The following MYRIP variants were observed in gnomAD, a reference collection of about 807,000 sequenced individuals.
MYRIP encodes the protein myosin VIIA and Rab interacting protein, also known as rab effector MyRIP.
MYRIP carries 49 observed loss-of-function variants against 98.0 expected under a neutral mutation model. The observed-to-expected ratio is 0.50, with a 90% confidence interval of 0.40 to 0.63. The LOEUF (loss-of-function observed/expected upper bound fraction) is 0.63. Ranked by LOEUF, MYRIP falls within the 30% of genes least tolerant of loss-of-function variation. MYRIP has a pLI of 0.00. For missense variants in MYRIP, 1,004 were observed against 1,058.2 expected (o/e 0.95, Z 0.71); for synonymous variants, 404 against 409.5 (o/e 0.99, Z 0.16).
At chr3:40,076,886 A>G (rs895195893) in intron 3 of MYRIP, among the ~76,000 whole-genome samples, 5 of 152,154 alleles carry the variant, frequency 3.3e-5, no homozygotes, top group Non-Finnish European at 7.4e-5. Flanking sequence ...AATTTTCTGT[A>G]TTTCAGAACT....
At chr3:40,012,683 A>T (rs905554253) in intron 2 of MYRIP, among the ~76,000 whole-genome samples, 4 of 152,162 alleles carry the variant, frequency 2.6e-5, no homozygotes, top group Non-Finnish European at 2.9e-5. Flanking sequence ...AGGAAGGAAG[A>T]ATTTGCCACC....
intron 1 of MYRIP, among the ~76,000 whole-genome samples, chr3:39,835,501 C>T (rs1477606147): frequency 6.6e-6 from 1 of 151,956 alleles, no homozygotes; most frequent in Non-Finnish European, 1.5e-5. Flanking sequence ...AAATTAAAAT[C>T]TGTTTTGAAT....
chr3:40,142,163 C>T (rs1196417518), intron 3 of MYRIP, among the ~76,000 whole-genome samples: 1 of 150,546 alleles, frequency 6.6e-6, no homozygotes, highest in Non-Finnish European at 1.5e-5. Flanking sequence ...AATGATTCTC[C>T]TGCCTCTGCC....
chr3:39,838,001 G>A (rs192484888), intron 1 of MYRIP, among the ~76,000 whole-genome samples: 10 of 152,306 alleles, frequency 6.6e-5, no homozygotes, highest in Non-Finnish European at 1.2e-4. Flanking sequence ...GTTCACTCAT[G>A]ATTTGGCTCT....
chr3:40,023,438 G>T (rs1947046263), intron 2 of MYRIP, among the ~76,000 whole-genome samples: 1 of 152,126 alleles, frequency 6.6e-6, no homozygotes, highest in Admixed American at 6.5e-5. Context: ...GGCTGCCCCA[G>T]ACTTAGGGTT....
At chr3:40,012,245 A>C (rs1235760177) in intron 2 of MYRIP, among the ~76,000 whole-genome samples, 2 of 152,256 alleles carry the variant, frequency 1.3e-5, no homozygotes, top group East Asian at 1.9e-4. Flanking sequence ...CACCTAGTAC[A>C]GAGTGGTAAA....
intron 2 of MYRIP, among the ~76,000 whole-genome samples, chr3:39,986,527 G>A (rs888916687): frequency 1.3e-5 from 2 of 151,754 alleles, no homozygotes; most frequent in Admixed American, 1.3e-4. Flanking sequence ...AACAGACCTG[G>A]GTTTAAAGTC....
chr3:40,194,174 T>G (rs181354885), intron 10 of MYRIP, among the ~76,000 whole-genome samples: 1 of 152,250 alleles, frequency 6.6e-6, no homozygotes, highest in Admixed American at 6.5e-5. Context: ...TTTTTCCAAT[T>G]TCTTCCTAAT....
chr3:39,838,067 T>C (rs1388539225), intron 1 of MYRIP, among the ~76,000 whole-genome samples: 4 of 152,218 alleles, frequency 2.6e-5, no homozygotes, highest in African/African-American at 7.2e-5. Flanking sequence ...GATTTTGTAT[T>C]CTGAGACTTT....
chr3:40,070,819 A>C (rs367834812), intron 3 of MYRIP, among the ~76,000 whole-genome samples: 1 of 152,302 alleles, frequency 6.6e-6, no homozygotes, highest in African/African-American at 2.4e-5. Flanking sequence ...AGGAGCAAGA[A>C]ATCTAGGCTC....
rs1417281264 is a variant in MYRIP at position 40,242,165 on chromosome 3, A to G, written c.2101-2281A>G. On this transcript the variant is annotated intron_variant, in intron 12 of 16. Coordinates refer to ENST00000302541, the MANE Select transcript of MYRIP (RefSeq NM_015460.4). Reference sequence around the variant, plus strand: ...GCAAAAAAATTCTCATCTTGAACACAGTGATTATAATAGTCTCTACCTCAA... The same window carrying G: ...GCAAAAAAATTCTCATCTTGAACACGGTGATTATAATAGTCTCTACCTCAA... The G allele has an allele frequency of 2.6e-5, 4 of 152,210 alleles. No individual in the cohort carries two copies. The East Asian group carries it at 7.7e-4, about 29-fold the overall frequency. The allele number at this position is 152,210 out of a possible 1,614,324, so 9.4% of individuals were successfully genotyped here.
chr3:39,991,482 T>C (rs1946174227), intron 2 of MYRIP, among the ~76,000 whole-genome samples: 1 of 152,262 alleles, frequency 6.6e-6, no homozygotes, highest in African/African-American at 2.4e-5. Flanking sequence ...TCTCTAGGAA[T>C]AGTTGCCATT....
intron 1 of MYRIP, among the ~76,000 whole-genome samples, chr3:39,875,704 G>C (rs1278923262): frequency 6.6e-6 from 1 of 151,068 alleles, no homozygotes; most frequent in East Asian, 1.9e-4. Flanking sequence ...TGGTCTGAGA[G>C]ACAGTTTGTT....
chr3:39,893,371 T>C (rs1415932612), intron 1 of MYRIP, among the ~76,000 whole-genome samples: 1 of 152,140 alleles, frequency 6.6e-6, no homozygotes, highest in Admixed American at 6.5e-5. Flanking sequence ...GGAGTAGCCA[T>C]TAAGTATTAT....
intron 2 of MYRIP, among the ~76,000 whole-genome samples, chr3:40,003,772 T>G (rs1575456758): frequency 6.6e-6 from 1 of 152,216 alleles, no homozygotes; most frequent in East Asian, 1.9e-4. Context: ...GTATTCTTGC[T>G]TTTGTTTCCG....
At chr3:40,045,483 T>A (rs1947652269) in intron 3 of MYRIP, among the ~76,000 whole-genome samples, 1 of 152,064 alleles carries the variant, frequency 6.6e-6, no homozygotes, top group Non-Finnish European at 1.5e-5. Context: ...AGGAGGAAAC[T>A]GGGATTATAG....
intron 1 of MYRIP, among the ~76,000 whole-genome samples, chr3:39,868,062 G>C (rs1009236687): frequency 6.6e-6 from 1 of 152,102 alleles, no homozygotes; most frequent in African/African-American, 2.4e-5. Context: ...GTGTAGTTCA[G>C]GGGAACACTC....
chr3:40,198,449 C>T (rs1364901905), intron 10 of MYRIP, among the ~76,000 whole-genome samples: 3 of 152,162 alleles, frequency 2.0e-5, no homozygotes, highest in Admixed American at 6.5e-5. Flanking sequence ...TCTCCAGATG[C>T]ACTCGTGAGC....
intron 3 of MYRIP, among the ~76,000 whole-genome samples, chr3:40,135,611 A>T (rs533884970): frequency 1.3e-5 from 2 of 152,308 alleles, no homozygotes; most frequent in Non-Finnish European, 2.9e-5. Context: ...ATGAAGGAAA[A>T]AATGTTAAGG....
Sources: allele counts gnomAD v4.1 joint callset (sites outside exome capture counted in the v4.1 genomes callset), GRCh38; gene constraint gnomAD v4.1.1; transcripts MANE v1.5; gene names NCBI Gene and HGNC (gene_info 2026-07-23, HGNC 2026-07-21).